SAXO1: variants seen among roughly 807,000 people sequenced by gnomAD.
The protein encoded by SAXO1 is 4930500O09Rik.
Under a neutral mutation model 17.5 loss-of-function variants are expected in SAXO1, and 21 were observed. The ratio of observed to expected loss-of-function variants is 1.20; its 90% confidence interval spans 0.85 to 1.72. The LOEUF (loss-of-function observed/expected upper bound fraction) is 1.72. Ranked by LOEUF, SAXO1 falls within the 40% of genes most tolerant of loss-of-function variation. The pLI is 0.00. For missense variants in SAXO1, 843 were observed against 596.0 expected, an observed-to-expected ratio of 1.41 and a Z score of -4.32; for synonymous variants, 274 against 216.5, an observed-to-expected ratio of 1.27 and a Z score of -2.33.
intron 1 of SAXO1, among the ~76,000 whole-genome samples, chr9:18,972,584 G>C (rs1351818472): frequency 6.6e-6 from 1 of 152,138 alleles, no homozygotes. Flanking sequence ...CTGAGGTTGT[G>C]AGTCATGCTA....
intron 3 of SAXO1, among the ~76,000 whole-genome samples, chr9:18,938,037 C>G (rs963149077): frequency 6.6e-6 from 1 of 152,292 alleles, no homozygotes; most frequent in Middle Eastern, 3.4e-3. Flanking sequence ...TGAACTCCAA[C>G]CTCAAATGCA....
At chr9:19,011,849 A>T (rs35256700) in intron 1 of SAXO1, among the ~76,000 whole-genome samples, 79,666 of 144,142 alleles carry the variant, frequency 0.55, 22,454 homozygotes, top group Non-Finnish European at 0.63. Context: ...TTAAGCATAG[A>T]TTTTTTTTTT....
intron 1 of SAXO1, among the ~76,000 whole-genome samples, chr9:18,972,009 A>C (rs912236601): frequency 1.3e-5 from 2 of 152,186 alleles, no homozygotes; most frequent in East Asian, 3.8e-4. Flanking sequence ...ATAAAGAACC[A>C]CGCTGGAAAA....
chr9:18,953,301 C>T (rs544316492), intron 1 of SAXO1, among the ~76,000 whole-genome samples: 20 of 152,212 alleles, frequency 1.3e-4, no homozygotes, highest in African/African-American at 4.8e-4. Context: ...AAACTACTTT[C>T]ATATAACCCC....
chr9:18,934,895 AT>A (rs1245427249), intron 3 of SAXO1, among the ~76,000 whole-genome samples: 1 of 151,526 alleles, frequency 6.6e-6, no homozygotes, highest in Non-Finnish European at 1.5e-5. Flanking sequence ...ATTTTTGTTC[AT>A]TTTTTTCTTT....
intron 1 of SAXO1, among the ~76,000 whole-genome samples, chr9:19,024,593 TAATAATAAAATTTAAAAAAAA>T: frequency 6.6e-6 from 1 of 152,078 alleles, no homozygotes; most frequent in Admixed American, 6.6e-5. Context: ...TAAAGTATAA[TAATAATAAAATTTAAAAAAAA>T]GTGGCAGAGC....
At position 18,977,264 on chromosome 9, in the gene SAXO1, C is replaced by T. The variant is rs530658177; in HGVS notation, c.39-26327G>A. 6.6e-5 allele frequency among the ~76,000 whole-genome samples: 10 copies of T among 152,292 alleles called. No individual in the cohort carries two copies. The South Asian group carries it at 1.9e-3, about 28-fold the overall frequency. On this transcript the variant is annotated intron_variant, in intron 1 of 3. Transcript: ENST00000380534. ...GTGGTTCATAGTTTCTTCTCAGATG[C>T]CAATAGGAATTAATCTGCCATACTT...
At position 18,983,188 on chromosome 9, in the gene SAXO1, T is replaced by C. The variant is rs75579627; in HGVS notation, c.39-32251A>G. 4.2e-3 allele frequency among the ~76,000 whole-genome samples: 634 copies of C among 152,328 alleles called. 7 individuals are homozygous for C. In the South Asian group the frequency reaches 0.046, roughly 11 times the overall value. Reference sequence around the variant, plus strand: ...TAATTTATAAACTAGAGAGGTTTAATTGACACACAGTTCTGCAATGGCTGG... The same window carrying C: ...TAATTTATAAACTAGAGAGGTTTAACTGACACACAGTTCTGCAATGGCTGG... On this transcript the variant is annotated intron_variant, in intron 1 of 3. Coordinates refer to ENST00000380534, the MANE Select transcript of SAXO1 (RefSeq NM_153707.4).
intron 1 of SAXO1, among the ~76,000 whole-genome samples, chr9:18,967,384 G>C (rs1256192189): frequency 6.9e-6 from 1 of 144,510 alleles, no homozygotes; most frequent in Non-Finnish European, 1.5e-5. Context: ...CCAGGGAGAT[G>C]GGAGTTTTAT....
chr9:19,036,566 C>A (rs1312905269), upstream of SAXO1, among the ~76,000 whole-genome samples: 1 of 152,198 alleles, frequency 6.6e-6, no homozygotes, highest in East Asian at 1.9e-4. Flanking sequence ...CAACATAGAG[C>A]TTGGGCCATG....
chr9:19,023,045 G>C (rs1835313783), intron 1 of SAXO1, among the ~76,000 whole-genome samples: 1 of 152,096 alleles, frequency 6.6e-6, no homozygotes, highest in African/African-American at 2.4e-5. Flanking sequence ...CCCAGAAAGG[G>C]CAGAGAGCCT....
At chr9:19,012,627 A>C (rs1277229722) in intron 1 of SAXO1, among the ~76,000 whole-genome samples, 1 of 152,224 alleles carries the variant, frequency 6.6e-6, no homozygotes, top group African/African-American at 2.4e-5. Flanking sequence ...CCCAGTCCCT[A>C]ATCTCAGAAG....
intron 1 of SAXO1, among the ~76,000 whole-genome samples, chr9:19,013,719 G>C (rs998494102): frequency 3.3e-5 from 5 of 151,756 alleles, no homozygotes; most frequent in African/African-American, 1.2e-4. Flanking sequence ...GCTAATTTTT[G>C]TATTTTTAGT....
intron 1 of SAXO1, among the ~76,000 whole-genome samples, chr9:18,976,807 TA>T (rs1207961826): frequency 6.6e-6 from 1 of 152,192 alleles, no homozygotes; most frequent in Non-Finnish European, 1.5e-5. Context: ...TGAAAGCTGA[TA>T]AGAAACTGGT....
intron 1 of SAXO1, among the ~76,000 whole-genome samples, chr9:18,999,530 G>A (rs570071264): frequency 1.4e-4 from 20 of 142,270 alleles, no homozygotes; most frequent in African/African-American, 4.7e-4. Context: ...CTGCCCGGCC[G>A]CCACACCGTC....
chr9:19,013,640 G>A (rs182401594), intron 1 of SAXO1, among the ~76,000 whole-genome samples: 1 of 135,474 alleles, frequency 7.4e-6, no homozygotes, highest in Non-Finnish European at 1.5e-5. Flanking sequence ...TCTGCCTCCC[G>A]GGTTCAAGTG....
At position 19,049,065 on chromosome 9, in the gene SAXO1, T is replaced by G. The variant is rs1465340688; in HGVS notation, c.-158+144A>C. The G allele has an allele frequency of 2.0e-5, 3 of 152,638 alleles. No homozygotes were observed. The East Asian group carries it at 5.8e-4, about 29-fold the overall frequency. 9.5% of individuals were successfully genotyped at this position (152,638 alleles called of 1,614,324 possible). On this transcript the variant is annotated intron_variant, in intron 1 of 3. Coordinates refer to the SAXO1 transcript ENST00000542071. The surrounding 1 kb of genome is among the most constrained non-coding windows in gnomAD (Gnocchi z 5.4). ...CCTAAGCGGACTGGGAAGTTAGGCT[T>G]TCCCTCCACTTCACCAGTCGGCTGC...
upstream of SAXO1, among the ~76,000 whole-genome samples, chr9:19,037,528 G>C (rs1240376958): frequency 6.6e-6 from 1 of 152,110 alleles, no homozygotes; most frequent in Non-Finnish European, 1.5e-5. Flanking sequence ...GATTTATCAG[G>C]GGTTTCCGCT....
At chr9:19,042,386 G>A (rs570449230) in intron 1 of SAXO1, among the ~76,000 whole-genome samples, 16 of 152,258 alleles carry the variant, frequency 1.1e-4, no homozygotes, top group African/African-American at 3.9e-4. Flanking sequence ...CAGTTTAGAA[G>A]TTCCTTAAAA....
Sources: gnomAD v4.1 joint callset for allele counts (sites outside exome capture counted in the v4.1 genomes callset) on GRCh38, gnomAD v4.1.1 for gene constraint, Gnocchi (gnomAD v3.1) non-coding constraint, MANE v1.5 for transcripts, NCBI Gene and HGNC (gene_info 2026-07-23, HGNC 2026-07-21) for gene names.